FAM120A: variants seen among roughly 807,000 people sequenced by gnomAD.
The protein encoded by FAM120A is constitutive coactivator of PPAR-gamma-like protein 1.
In FAM120A, 15 loss-of-function variants were observed where a neutral mutation model predicts 109.7. That is an observed-to-expected ratio of 0.14 (90% CI 0.09 to 0.21). The LOEUF is 0.21. Ranked by LOEUF, FAM120A falls within the 10% of genes least tolerant of loss-of-function variation. FAM120A has a pLI of 1.00. For synonymous variants in FAM120A, 493 were observed against 572.8 expected (o/e 0.86, Z 1.99); for missense variants, 899 against 1,439.3 (o/e 0.62, Z 6.07).
intron 8 of FAM120A, 51 bp from the exon 9 acceptor site, chr9:93,529,302 T>A (rs1349440864): frequency 2.0e-6 from 3 of 1,478,114 alleles, no homozygotes; most frequent in Non-Finnish European, 2.7e-6. Flanking sequence ...TTTAAATGAA[T>A]GAAAACATGA....
At chr9:93,529,824 T>G in intron 9 of FAM120A, 1 of 577,000 alleles carries the variant, frequency 1.7e-6, no homozygotes, top group Non-Finnish European at 3.1e-6. Context: ...TATTTTATAC[T>G]TCTAATGAAA....
chr9:93,557,126 G>GTTT (rs1361346618), intron 13 of FAM120A, among the ~76,000 whole-genome samples: 1 of 114,028 alleles, frequency 8.8e-6, no homozygotes. Flanking sequence ...TGTTTGTTTT[G>GTTT]GTTTTTTTTT....
chr9:93,544,697 C>T (rs867802565), intron 11 of FAM120A, among the ~76,000 whole-genome samples: 8 of 152,316 alleles, frequency 5.3e-5, no homozygotes, highest in Middle Eastern at 3.4e-3. Context: ...GTCCATTCCA[C>T]CCTTCAGAGC....
intron 5 of FAM120A, among the ~76,000 whole-genome samples, chr9:93,503,214 T>C (rs1859880956): frequency 1.3e-5 from 2 of 152,188 alleles, no homozygotes; most frequent in African/African-American, 4.8e-5. Flanking sequence ...TTTACAAAAT[T>C]CCCAAGTCAT....
At chr9:93,489,034 C>T (rs962328118) in intron 3 of FAM120A, among the ~76,000 whole-genome samples, 2 of 149,236 alleles carry the variant, frequency 1.3e-5, no homozygotes, top group Non-Finnish European at 3.0e-5. Flanking sequence ...AGTTGGAAGA[C>T]TACTGTTGTG....
intron 1 of FAM120A, among the ~76,000 whole-genome samples, chr9:93,453,808 A>C (rs1226239880): frequency 1.3e-5 from 2 of 152,206 alleles, no homozygotes; most frequent in African/African-American, 4.8e-5. Flanking sequence ...GTCTGAAGCG[A>C]TCCATCTCCC....
At chr9:93,469,369 G>A (rs1858205423) in intron 1 of FAM120A, among the ~76,000 whole-genome samples, 6 of 152,212 alleles carry the variant, frequency 3.9e-5, no homozygotes, top group Admixed American at 3.9e-4. Context: ...CCTTGGAGGA[G>A]TGAAGGAGGG....
At chr9:93,521,342 A>G (rs1464832900) in intron 7 of FAM120A, among the ~76,000 whole-genome samples, 1 of 152,212 alleles carries the variant, frequency 6.6e-6, no homozygotes, top group Non-Finnish European at 1.5e-5. Context: ...AAGGGGCCAC[A>G]TGTGGTGGCT....
intron 5 of FAM120A, among the ~76,000 whole-genome samples, chr9:93,499,898 G>A (rs550812336): frequency 2.6e-5 from 4 of 152,368 alleles, no homozygotes; most frequent in African/African-American, 9.6e-5. Flanking sequence ...TTCAAGCATA[G>A]TGTCTGCTGT....
Position 93,486,513 on chromosome 9 carries a change from C to CTTTCTT in FAM120A, c.804+10184_804+10189dup, listed in dbSNP as rs373461440. Among the ~76,000 whole-genome samples, 516 of 149,364 alleles carry CTTTCTT rather than the reference C, an allele frequency of 3.5e-3. 3 individuals carry two copies. The highest frequency in any genetic ancestry group is 0.012 in the African/African-American group (481 of 40,710). On this transcript the variant is annotated intron_variant, in intron 3 of 17. Coordinates refer to ENST00000277165, the MANE Select transcript of FAM120A (RefSeq NM_014612.5). ...TAGGTCTATGCTTAGATATTTTTTT[C>CTTTCTT]TTTCTTTTTCTTTTCTTTTTTCTTT... is the stretch of plus-strand genomic sequence containing the variant.
chr9:93,455,510 A>G (rs1857512157), intron 1 of FAM120A, among the ~76,000 whole-genome samples: 1 of 152,204 alleles, frequency 6.6e-6, no homozygotes, highest in Non-Finnish European at 1.5e-5. Flanking sequence ...AAGATTAAGT[A>G]AAAACCACTG....
intron 12 of FAM120A, among the ~76,000 whole-genome samples, chr9:93,554,118 GAT>G (rs1862198874): frequency 3.3e-5 from 1 of 30,426 alleles, no homozygotes; most frequent in Non-Finnish European, 7.5e-5. Flanking sequence ...AAGGCCATTT[GAT>G]ACACACACAC....
chr9:93,501,978 G>A (rs142519245), intron 5 of FAM120A, among the ~76,000 whole-genome samples: 2 of 152,284 alleles, frequency 1.3e-5, no homozygotes, highest in East Asian at 3.9e-4. Flanking sequence ...ACAACATGGA[G>A]TCGGTGGGAC....
chr9:93,553,132 C>T (rs965217676), intron 12 of FAM120A, among the ~76,000 whole-genome samples: 2 of 152,084 alleles, frequency 1.3e-5, no homozygotes, highest in Non-Finnish European at 2.9e-5. Context: ...TGATTGATGA[C>T]CCTCATTTTT....
chr9:93,557,789 G>T, intron 13 of FAM120A, 38 bp from the exon 14 acceptor site: 1 of 1,591,408 alleles, frequency 6.3e-7, no homozygotes, highest in Non-Finnish European at 8.6e-7. Context: ...AAAACCCCCT[G>T]TGGATGGCAT....
chr9:93,501,989 C>A (rs1454216096), intron 5 of FAM120A, among the ~76,000 whole-genome samples: 1 of 152,040 alleles, frequency 6.6e-6, no homozygotes, highest in Non-Finnish European at 1.5e-5. Context: ...TCGGTGGGAC[C>A]CTTTCTGGCA....
At chr9:93,514,277 A>C (rs1244143596) in intron 5 of FAM120A, among the ~76,000 whole-genome samples, 1 of 152,156 alleles carries the variant, frequency 6.6e-6, no homozygotes, top group Admixed American at 6.5e-5. Context: ...ACCTCCACCT[A>C]GTCTCTCTGC....
intron 3 of FAM120A, among the ~76,000 whole-genome samples, chr9:93,489,521 T>C (rs1859218858): frequency 6.6e-6 from 1 of 152,260 alleles, no homozygotes; most frequent in Non-Finnish European, 1.5e-5. Context: ...ACCTGCCTTT[T>C]CGTCCTAGGC....
chr9:93,545,649 T>C (rs1436402283), intron 11 of FAM120A, among the ~76,000 whole-genome samples: 1 of 152,214 alleles, frequency 6.6e-6, no homozygotes. Flanking sequence ...TTCCTGGTGG[T>C]TCTTAAATTT....
Sources: allele counts gnomAD v4.1 joint callset (sites outside exome capture counted in the v4.1 genomes callset), GRCh38; gene constraint gnomAD v4.1.1; transcripts MANE v1.5; gene names NCBI Gene and HGNC (gene_info 2026-07-23, HGNC 2026-07-21).